The following TDRP variants were observed in gnomAD, a reference collection of about 807,000 sequenced individuals.
The protein encoded by TDRP is testis development-related protein.
Under a neutral mutation model 10.5 loss-of-function variants are expected in TDRP, and 12 were observed. The observed-to-expected ratio is 1.15, with a 90% CI of 0.73 to 1.86. The LOEUF (loss-of-function observed/expected upper bound fraction) is 1.86, where lower values mean the gene tolerates loss of function less well. TDRP is among the 40% of genes most tolerant of loss of function. The probability of loss-of-function intolerance (pLI) is 0.00; values close to 1 mark genes in which losing one functional copy is unlikely to be tolerated. For missense variants in TDRP, 353 were observed against 229.2 expected (o/e 1.54, Z -3.49); for synonymous variants, 139 against 95.4 (o/e 1.46, Z -2.67).
intron 1 of TDRP, among the ~76,000 whole-genome samples, chr8:516,105 A>C (rs1472698543): frequency 6.6e-6 from 1 of 152,226 alleles, no homozygotes; most frequent in Non-Finnish European, 1.5e-5. Flanking sequence ...AACATTAAAA[A>C]AATATATAAT....
At position 490,706 on chromosome 8, in the gene TDRP, T is replaced by A. The variant is rs149703543; in HGVS notation, c.*1693A>T. ...CTATTTACCTGAGGAAACTTAGAAT[T>A]TGTCAACTTAGCTGTTATACTAAAA... On this transcript the variant is annotated 3_prime_UTR_variant, in exon 3 of 3. Transcript: ENST00000324079. 2 of 152,242 alleles carry A rather than the reference T, an allele frequency of 1.3e-5. No individual in the cohort carries two copies. Among genetic ancestry groups the A allele is most frequent in the East Asian group, 3.8e-4 (2 of 5,206 alleles). The allele number at this position is 152,242 out of a possible 1,614,324, so 9.4% of individuals were successfully genotyped here.
intron 1 of TDRP, among the ~76,000 whole-genome samples, chr8:530,113 C>T (rs369446744): frequency 2.6e-5 from 4 of 151,948 alleles, no homozygotes; most frequent in East Asian, 1.9e-4. Flanking sequence ...GACGATTCTT[C>T]TGCATGACTG....
intron 1 of TDRP, among the ~76,000 whole-genome samples, chr8:537,663 A>T (rs1250736378): frequency 6.6e-6 from 1 of 152,096 alleles, no homozygotes; most frequent in Non-Finnish European, 1.5e-5. Context: ...GGGGTTTGAG[A>T]ATTATGACTC....
chr8:508,487 G>C (rs1165374025), intron 1 of TDRP, among the ~76,000 whole-genome samples: 1 of 152,174 alleles, frequency 6.6e-6, no homozygotes, highest in East Asian at 1.9e-4. Context: ...CAGCATTCAA[G>C]ACAGAGAGCA....
rs541784464 is a variant in TDRP at position 539,026 on chromosome 8, T to C, written c.108+5624A>G. Among the ~76,000 whole-genome samples the C allele has an allele frequency of 9.9e-5, 15 of 152,256 alleles. 1 individual carries two copies. The South Asian group carries it at 2.1e-3, about 21-fold the overall frequency. The stretch of plus-strand genomic sequence containing the variant: ...AAATAACTATCCTGCAGGCCTATAA[T>C]AGAAAGAGACTAGAAATATCCCCCT... On this transcript the variant is annotated intron_variant, in intron 1 of 2. Transcript: ENST00000324079.
At chr8:513,042 C>T (rs981022324) in intron 1 of TDRP, among the ~76,000 whole-genome samples, 2 of 151,484 alleles carry the variant, frequency 1.3e-5, no homozygotes, top group Non-Finnish European at 2.9e-5. Flanking sequence ...AAAGCTCAGG[C>T]CCAGATATGT....
At position 492,441 on chromosome 8, in the gene TDRP, C is replaced by G. The variant is rs747551993; in HGVS notation, c.516G>C (p.Gln172His). The G allele has an allele frequency of 4.4e-5, 70 of 1,587,222 alleles. No homozygotes were observed. The highest frequency in any genetic ancestry group is 6.0e-5 in the Non-Finnish European group (70 of 1,162,678). Reference protein sequence around the residue: ...AAGRLVSIRRQSKGHLTDSPE... With the variant: ...AAGRLVSIRRHSKGHLTDSPE... ...GGCTATCTGTCAGGTGGCCTTTACT[C>G]TGCCGTCGGATGCTCACCAGCCTCC... The change falls in exon 3 of 3, where the codon CAG becomes CAC. Residue 172 changes from glutamine (Q) to histidine (H), a missense_variant. Physicochemically the swap from Gln to His is conservative, Grantham distance 24. Coordinates refer to ENST00000324079, the MANE Select transcript of TDRP (RefSeq NM_001384899.1).
Position 544,653 on chromosome 8 carries a change from C to A in TDRP, c.105G>T (p.Ala35=). 1 of 1,225,496 alleles carries A rather than the reference C, an allele frequency of 8.2e-7. No individual in the cohort carries two copies. Among genetic ancestry groups the A allele is most frequent in the Non-Finnish European group, 1.0e-6 (1 of 983,258 alleles). The allele number at this position is 1,225,496 out of a possible 1,614,324, so 75.9% of individuals were successfully genotyped here. Residue 35 remains alanine, a synonymous_variant, in exon 1 of 3, where the codon GCG becomes GCT. Transcript: ENST00000324079. ...CCCCACCTGCGCACCCCCTCACCTG[C>A]GCCTGGGCGGCGGCGGCGGCGGCCG... ...PPPAAAAAAQ[A]QVQGASFRGW...
chr8:533,076 G>C (rs1051394429), intron 1 of TDRP, among the ~76,000 whole-genome samples: 3 of 152,192 alleles, frequency 2.0e-5, no homozygotes, highest in African/African-American at 7.2e-5. Flanking sequence ...CCTGCCTCCA[G>C]ACCACTTCAG....
chr8:529,144 G>C, intron 1 of TDRP, among the ~76,000 whole-genome samples: 1 of 152,010 alleles, frequency 6.6e-6, no homozygotes, highest in South Asian at 2.1e-4. Context: ...GCCTTTCCCA[G>C]TCCAAGGATT....
chr8:502,297 G>T (rs1801326674), intron 1 of TDRP, among the ~76,000 whole-genome samples: 1 of 152,222 alleles, frequency 6.6e-6, no homozygotes, highest in African/African-American at 2.4e-5. Flanking sequence ...GATGAACCCA[G>T]TCCTGACATC....
chr8:540,783 C>T (rs545795550), intron 1 of TDRP, among the ~76,000 whole-genome samples: 2 of 141,922 alleles, frequency 1.4e-5, no homozygotes, highest in South Asian at 2.3e-4. Flanking sequence ...TTATTGGAAC[C>T]TAATATTATC....
At chr8:531,439 G>A (rs1487621035) in intron 1 of TDRP, among the ~76,000 whole-genome samples, 3 of 152,170 alleles carry the variant, frequency 2.0e-5, no homozygotes, top group African/African-American at 4.8e-5. Context: ...CAGTCTTGCG[G>A]GAATGACTCC....
At chr8:505,859 C>A (rs531482073) in intron 1 of TDRP, among the ~76,000 whole-genome samples, 1 of 152,132 alleles carries the variant, frequency 6.6e-6, no homozygotes, top group South Asian at 2.1e-4. Context: ...AAAGTCAGCA[C>A]GTAGGCAGAC....
In TDRP at chr8:522,165, T is replaced by C. The variant is rs7004450; in HGVS notation, c.108+22485A>G. ...AAGGTCAGACAGTCCCCTATTTACA[T>C]TGTGCTACTATGTCTCCCTTCAATC... On this transcript the variant is annotated intron_variant, in intron 1 of 2. Transcript: ENST00000324079. Among the ~76,000 whole-genome samples the C allele has an allele frequency of 1.5e-3, 228 of 152,360 alleles. 2 individuals are homozygous for C. The highest frequency in any genetic ancestry group is 5.3e-3 in the African/African-American group (220 of 41,574).
intron 1 of TDRP, among the ~76,000 whole-genome samples, chr8:522,664 T>C (rs1177324202): frequency 2.0e-5 from 3 of 152,220 alleles, no homozygotes; most frequent in Non-Finnish European, 2.9e-5. Context: ...GACTCTTTGT[T>C]TGGGGCTCAG....
At position 490,818 on chromosome 8, in the gene TDRP, T is replaced by C. The variant is rs904315091; in HGVS notation, c.*1581A>G. On this transcript the variant is annotated 3_prime_UTR_variant, in exon 3 of 3. Transcript: ENST00000324079. ...GTTCTAATACAAGCTGGAATTTTTG[T>C]TTGAACACCAATTGAAACATGTCCC... 2 of 152,188 alleles carry C rather than the reference T, an allele frequency of 1.3e-5. No homozygotes were observed. The highest frequency in any genetic ancestry group is 4.8e-5 in the African/African-American group (2 of 41,430). The allele number at this position is 152,188 out of a possible 1,614,324, so 9.4% of individuals were successfully genotyped here. A position where few individuals can be genotyped will look rare whatever the true frequency, so the allele number is the denominator to read the frequency against.
At chr8:508,521 C>T (rs1296542247) in intron 1 of TDRP, among the ~76,000 whole-genome samples, 1 of 152,134 alleles carries the variant, frequency 6.6e-6, no homozygotes, top group African/African-American at 2.4e-5. Flanking sequence ...GGAAGACTCC[C>T]TTATAAAACC....
intron 1 of TDRP, among the ~76,000 whole-genome samples, chr8:496,525 G>C (rs1170910271): frequency 1.3e-5 from 2 of 152,222 alleles, no homozygotes; most frequent in African/African-American, 2.4e-5. Flanking sequence ...AGGAAGCAAA[G>C]CCAAGGCTTG....
Sources: allele counts gnomAD v4.1 joint callset (sites outside exome capture counted in the v4.1 genomes callset), GRCh38; gene constraint gnomAD v4.1.1; transcripts MANE v1.5; gene names NCBI Gene and HGNC (gene_info 2026-07-23, HGNC 2026-07-21).